Variants in RBFOX1 observed in about 807,000 individuals in gnomAD.
RBFOX1 encodes RNA binding fox-1 homolog 1.
In RBFOX1, 8 loss-of-function variants were observed where a neutral mutation model predicts 57.7. The ratio of observed to expected loss-of-function variants is 0.14; its 90% CI spans 0.08 to 0.25. The LOEUF is 0.25. Among genes scored for constraint, RBFOX1 ranks in the 10% least tolerant of loss-of-function variants. RBFOX1 has a pLI of 1.00. For missense variants in RBFOX1, 611 were observed against 548.5 expected (o/e 1.11, Z -1.14); for synonymous variants, 326 against 222.4 (o/e 1.47, Z -4.15).
chr16:5,548,913 A>C (rs1200731198), intron 2 of RBFOX1, among the ~76,000 whole-genome samples: 1 of 152,198 alleles, frequency 6.6e-6, no homozygotes, highest in Non-Finnish European at 1.5e-5. Context: ...CCGCAAAAAA[A>C]CAAGTCCTCT....
At chr16:7,491,941 G>C (rs1354917777) in intron 4 of RBFOX1, among the ~76,000 whole-genome samples, 1 of 152,004 alleles carries the variant, frequency 6.6e-6, no homozygotes, top group Non-Finnish European at 1.5e-5. Context: ...TTCCTTTTTT[G>C]TCATTCTGAA....
intron 2 of RBFOX1, among the ~76,000 whole-genome samples, chr16:6,554,410 A>G (rs150485458): frequency 3.4e-4 from 52 of 152,260 alleles, no homozygotes; most frequent in African/African-American, 1.2e-3. Context: ...AATGTGCACG[A>G]GGCTTCCCTC....
intron 4 of RBFOX1, among the ~76,000 whole-genome samples, chr16:7,275,135 G>C (rs12447663): frequency 0.13 from 19,374 of 152,122 alleles, 1,581 homozygotes; most frequent in Middle Eastern, 0.22. Context: ...ATATCTGAGA[G>C]GGATAGAGGG....
intron 3 of RBFOX1, among the ~76,000 whole-genome samples, chr16:6,684,557 C>G (rs1392662072): frequency 6.6e-6 from 1 of 152,174 alleles, no homozygotes; most frequent in Non-Finnish European, 1.5e-5. Context: ...TCAATTACTT[C>G]TAGGGCTGCA....
At chr16:7,637,497 C>A (rs559102728) in intron 11 of RBFOX1, among the ~76,000 whole-genome samples, 1 of 152,178 alleles carries the variant, frequency 6.6e-6, no homozygotes, top group African/African-American at 2.4e-5. Context: ...ATAAATCAGG[C>A]CTGTACTATT....
chr16:6,925,239 T>C (rs2075346590), intron 3 of RBFOX1, among the ~76,000 whole-genome samples: 1 of 145,418 alleles, frequency 6.9e-6, no homozygotes, highest in African/African-American at 2.6e-5. Flanking sequence ...GCTCAAGCAA[T>C]TGTCGTACCT....
intron 14 of RBFOX1, among the ~76,000 whole-genome samples, chr16:7,680,545 C>A (rs1196015863): frequency 6.6e-6 from 1 of 152,146 alleles, no homozygotes; most frequent in Admixed American, 6.6e-5. Context: ...TCCAATTACA[C>A]TGATAGTTAC....
intron 3 of RBFOX1, among the ~76,000 whole-genome samples, chr16:6,760,390 T>C (rs1452502664): frequency 6.6e-6 from 1 of 152,220 alleles, no homozygotes; most frequent in African/African-American, 2.4e-5. Context: ...CTTCAACATC[T>C]TAACTATCTT....
chr16:7,127,874 C>T (rs1013290243), intron 4 of RBFOX1, among the ~76,000 whole-genome samples: 5 of 152,210 alleles, frequency 3.3e-5, no homozygotes, highest in African/African-American at 1.2e-4. Context: ...TAATCAGGCA[C>T]TGTTGGTTGC....
At chr16:6,072,865 AAGAT>A (rs1366402857) in intron 1 of RBFOX1, among the ~76,000 whole-genome samples, 1 of 152,158 alleles carries the variant, frequency 6.6e-6, no homozygotes, top group Non-Finnish European at 1.5e-5. Flanking sequence ...TTGGATGTGA[AAGAT>A]AGGTCTGTTC....
intron 2 of RBFOX1, among the ~76,000 whole-genome samples, chr16:5,520,291 T>G (rs989130320): frequency 2.0e-5 from 3 of 152,310 alleles, no homozygotes; most frequent in African/African-American, 7.2e-5. Context: ...AATTTTCATG[T>G]TCAGGTAGTA....
intron 3 of RBFOX1, among the ~76,000 whole-genome samples, chr16:6,836,234 A>G (rs1259656887): frequency 1.3e-5 from 2 of 152,200 alleles, no homozygotes; most frequent in African/African-American, 4.8e-5. Flanking sequence ...AAGTTGTCTA[A>G]CAGTCCTAAC....
At chr16:6,510,480 C>T (rs1055622395) in intron 2 of RBFOX1, among the ~76,000 whole-genome samples, 1 of 152,124 alleles carries the variant, frequency 6.6e-6, no homozygotes, top group Admixed American at 6.5e-5. Flanking sequence ...ACAGAGGAGA[C>T]CAGGTGAGGG....
chr16:5,509,480 G>C (rs1030743260), intron 2 of RBFOX1, among the ~76,000 whole-genome samples: 3 of 152,336 alleles, frequency 2.0e-5, no homozygotes, highest in African/African-American at 7.2e-5. Flanking sequence ...ACTGTGGCTG[G>C]CTTGTAGTTG....
chr16:6,564,496 A>T (rs1454101383), intron 2 of RBFOX1, among the ~76,000 whole-genome samples: 1 of 152,058 alleles, frequency 6.6e-6, no homozygotes, highest in Non-Finnish European at 1.5e-5. Context: ...AAACAAACAA[A>T]CACATGGGTA....
intron 2 of RBFOX1, among the ~76,000 whole-genome samples, chr16:6,473,584 G>A (rs2095225743): frequency 6.6e-6 from 1 of 151,150 alleles, no homozygotes; most frequent in Non-Finnish European, 1.5e-5. Flanking sequence ...TTTTTATTTG[G>A]TTGGTCTTTA....
intron 3 of RBFOX1, among the ~76,000 whole-genome samples, chr16:6,853,030 C>T (rs1413322231): frequency 1.3e-5 from 2 of 152,144 alleles, no homozygotes; most frequent in African/African-American, 4.8e-5. Flanking sequence ...CAGCTGGTCC[C>T]AGCTGGCTTA....
chr16:7,300,108 G>A (rs1435550874), intron 4 of RBFOX1, among the ~76,000 whole-genome samples: 17 of 152,048 alleles, frequency 1.1e-4, no homozygotes, highest in Non-Finnish European at 1.5e-5. Context: ...CCTTACCCTG[G>A]TTTCCCTAAT....
intron 1 of RBFOX1, among the ~76,000 whole-genome samples, chr16:6,138,075 C>T (rs538046908): frequency 6.6e-6 from 1 of 152,300 alleles, no homozygotes; most frequent in South Asian, 2.1e-4. Context: ...ATTTGTTTAA[C>T]CCTAAGCTGT....
Sources: gnomAD v4.1 joint callset for allele counts (sites outside exome capture counted in the v4.1 genomes callset) on GRCh38, gnomAD v4.1.1 for gene constraint, MANE v1.5 for transcripts, NCBI Gene and HGNC (gene_info 2026-07-23, HGNC 2026-07-21) for gene names.